The following NLGN1 variants were observed in gnomAD, a reference collection of about 807,000 sequenced individuals.
NLGN1 encodes the protein neuroligin 1.
Under a neutral mutation model 65.5 loss-of-function variants are expected in NLGN1, and 12 were observed. The observed-to-expected ratio is 0.18, with a 90% confidence interval of 0.12 to 0.30. The LOEUF (loss-of-function observed/expected upper bound fraction) is 0.30. NLGN1 is among the 10% of genes least tolerant of loss of function. The pLI is 1.00. For synonymous variants in NLGN1, 350 were observed against 359.5 expected (o/e 0.97, Z 0.30); for missense variants, 750 against 1,007.1 (o/e 0.74, Z 3.46).
intron 3 of NLGN1, among the ~76,000 whole-genome samples, chr3:173,635,565 T>G (rs1320220821): frequency 6.6e-6 from 1 of 152,154 alleles, no homozygotes; most frequent in Non-Finnish European, 1.5e-5. Context: ...CACGTAAAAT[T>G]TTTCTAAAGA....
chr3:174,114,027 C>CT (rs1440073713), intron 4 of NLGN1, among the ~76,000 whole-genome samples: 1 of 152,142 alleles, frequency 6.6e-6, no homozygotes, highest in Non-Finnish European at 1.5e-5. Context: ...GCTCTCTTCT[C>CT]TAACTTTATT....
intron 4 of NLGN1, among the ~76,000 whole-genome samples, chr3:174,155,331 A>G (rs969934379): frequency 6.6e-6 from 1 of 151,652 alleles, no homozygotes; most frequent in African/African-American, 2.4e-5. Flanking sequence ...AATTTTTATT[A>G]GGCTACAGTA....
rs144068237 is a variant in NLGN1, at chr3:173,610,497, C to A, written c.493+5406C>A. ...AATATAGAAGGTAAAGATTTCAAGT[C>A]ATGAGCTTGAGAGAGAATAAAAGGA... On this transcript the variant is annotated intron_variant, in intron 3 of 6. Coordinates refer to ENST00000457714, the Ensembl canonical transcript of NLGN1. 3.2e-4 allele frequency among the ~76,000 whole-genome samples: 49 copies of A among 151,980 alleles called. No individual in the cohort carries two copies. The East Asian group carries it at 7.2e-3, about 22-fold the overall frequency.
intron 3 of NLGN1, among the ~76,000 whole-genome samples, chr3:173,777,631 G>GTCTGTCTA (rs1216215896): frequency 3.1e-3 from 110 of 35,962 alleles, no homozygotes; most frequent in Non-Finnish European, 7.9e-3. Context: ...CTGTCTGTCT[G>GTCTGTCTA]TCTATCTATC....
At chr3:173,809,194 A>G (rs1029153341) in intron 4 of NLGN1, among the ~76,000 whole-genome samples, 2 of 152,170 alleles carry the variant, frequency 1.3e-5, no homozygotes, top group African/African-American at 4.8e-5. Flanking sequence ...AAACATTCAT[A>G]TGATTTCTGT....
chr3:173,966,591 T>A (rs1714918730), intron 4 of NLGN1, among the ~76,000 whole-genome samples: 1 of 152,204 alleles, frequency 6.6e-6, no homozygotes, highest in African/African-American at 2.4e-5. Flanking sequence ...ACATACACAT[T>A]TCTTACACTG....
intron 2 of NLGN1, among the ~76,000 whole-genome samples, chr3:173,596,586 T>C (rs889166191): frequency 2.2e-4 from 33 of 152,216 alleles, no homozygotes; most frequent in African/African-American, 5.3e-4. Flanking sequence ...GTTAGCTCAA[T>C]GTTTAGCCCC....
chr3:173,584,649 A>G (rs1241783045), intron 2 of NLGN1: 2 of 151,846 alleles, frequency 1.3e-5, no homozygotes, highest in African/African-American at 2.4e-5. Context: ...TTGTTTGATC[A>G]TTTGTATTTC....
chr3:173,918,394 T>C (rs777520855), intron 4 of NLGN1, among the ~76,000 whole-genome samples: 33 of 152,014 alleles, frequency 2.2e-4, no homozygotes, highest in Non-Finnish European at 4.6e-4. Context: ...CCCAGCACTT[T>C]GGGGGGCCGA....
chr3:173,802,010 C>T (rs1017644677), intron 3 of NLGN1, among the ~76,000 whole-genome samples: 9 of 152,178 alleles, frequency 5.9e-5, no homozygotes, highest in South Asian at 2.1e-4. Context: ...AATTTGTTAT[C>T]TAAATAATAC....
chr3:174,003,007 G>A (rs1723612244), intron 4 of NLGN1, among the ~76,000 whole-genome samples: 1 of 152,172 alleles, frequency 6.6e-6, no homozygotes, highest in Non-Finnish European at 1.5e-5. Flanking sequence ...ATGCAGAAAA[G>A]AGTTGAGAAT....
chr3:174,268,638 A>G (rs1050653890), intron 4 of NLGN1, among the ~76,000 whole-genome samples: 1 of 152,156 alleles, frequency 6.6e-6, no homozygotes, highest in Non-Finnish European at 1.5e-5. Flanking sequence ...TGAGTGTAAC[A>G]TAGAAGGAAC....
intron 2 of NLGN1, among the ~76,000 whole-genome samples, chr3:173,448,183 A>G (rs974388542): frequency 2.0e-5 from 3 of 152,144 alleles, no homozygotes. Context: ...ATTCAGTATG[A>G]TATTGGCTGT....
chr3:173,600,392 C>T (rs1479887129), intron 2 of NLGN1, among the ~76,000 whole-genome samples: 1 of 151,946 alleles, frequency 6.6e-6, no homozygotes, highest in African/African-American at 2.4e-5. Flanking sequence ...CTGTCCAATC[C>T]AGACCAACTG....
chr3:173,987,686 C>A (rs1720246380), intron 4 of NLGN1, among the ~76,000 whole-genome samples: 1 of 152,102 alleles, frequency 6.6e-6, no homozygotes, highest in South Asian at 2.1e-4. Flanking sequence ...TCACTCGGTA[C>A]CCTTCTGAAA....
intron 4 of NLGN1, among the ~76,000 whole-genome samples, chr3:173,936,742 G>A (rs540651614): frequency 3.3e-5 from 5 of 152,096 alleles, no homozygotes; most frequent in East Asian, 3.9e-4. Flanking sequence ...CATTATAGCC[G>A]GAAACGGCAG....
At chr3:173,619,297 A>G (rs1753624285) in intron 3 of NLGN1, among the ~76,000 whole-genome samples, 1 of 152,194 alleles carries the variant, frequency 6.6e-6, no homozygotes, top group Admixed American at 6.6e-5. Context: ...GCAATGAAAA[A>G]AAGACATGTT....
At chr3:173,501,899 G>C (rs374760818) in intron 2 of NLGN1, among the ~76,000 whole-genome samples, 1 of 152,006 alleles carries the variant, frequency 6.6e-6, no homozygotes, top group African/African-American at 2.4e-5. Flanking sequence ...TTGTTAGCCT[G>C]CCCAGGGCAC....
intron 4 of NLGN1, among the ~76,000 whole-genome samples, chr3:173,934,850 C>T (rs1042708774): frequency 6.6e-6 from 1 of 151,992 alleles, no homozygotes; most frequent in Non-Finnish European, 1.5e-5. Context: ...GATTTAAAAA[C>T]CCGATAATAT....
Sources: gnomAD v4.1 joint callset for allele counts (sites outside exome capture counted in the v4.1 genomes callset) on GRCh38, gnomAD v4.1.1 for gene constraint, MANE v1.5 for transcripts, NCBI Gene and HGNC (gene_info 2026-07-23, HGNC 2026-07-21) for gene names.